Variants in DRD3 observed in about 807,000 individuals in gnomAD.
DRD3 encodes the protein D(3) dopamine receptor.
Under a neutral mutation model 36.3 loss-of-function variants are expected in DRD3, and 19 were observed. That is an observed-to-expected ratio of 0.52 (90% CI 0.36 to 0.77). DRD3 has a LOEUF of 0.77. DRD3 is among the 30% of genes least tolerant of loss of function. The pLI, the probability that DRD3 is intolerant of heterozygous loss-of-function variation, is 0.00. For missense variants in DRD3, 465 were observed against 505.3 expected, an observed-to-expected ratio of 0.92 and a Z score of 0.77; for synonymous variants, 195 against 203.7, an observed-to-expected ratio of 0.96 and a Z score of 0.36.
chr3:114,137,222 A>G (rs2077482466), intron 5 of DRD3, among the ~76,000 whole-genome samples: 1 of 152,204 alleles, frequency 6.6e-6, no homozygotes, highest in South Asian at 2.1e-4. Context: ...CTCTATGATC[A>G]GACATGGCCC....
intron 4 of DRD3, among the ~76,000 whole-genome samples, chr3:114,144,470 G>A (rs1185789730): frequency 6.6e-6 from 1 of 152,094 alleles, no homozygotes; most frequent in African/African-American, 2.4e-5. Context: ...ATAGATGAGA[G>A]AATTGCTGCA....
upstream of DRD3, among the ~76,000 whole-genome samples, chr3:114,181,806 C>T (rs1339876321): frequency 1.3e-5 from 2 of 152,164 alleles, no homozygotes; most frequent in African/African-American, 4.8e-5. Context: ...TGGGACTATT[C>T]TCTTCTTGTC....
intron 3 of DRD3, among the ~76,000 whole-genome samples, chr3:114,149,535 C>A (rs2077598179): frequency 6.6e-6 from 1 of 152,162 alleles, no homozygotes; most frequent in African/African-American, 2.4e-5. Context: ...AAGATTTCTG[C>A]CACGTATAAT....
At chr3:114,175,174 C>T (rs980719564) in intron 1 of DRD3, among the ~76,000 whole-genome samples, 1 of 152,106 alleles carries the variant, frequency 6.6e-6, no homozygotes, top group African/African-American at 2.4e-5. Context: ...CTAGACATTG[C>T]CACATATCCT....
intron 1 of DRD3, among the ~76,000 whole-genome samples, chr3:114,173,358 ATGT>A (rs1453958753): frequency 1.3e-5 from 2 of 152,170 alleles, no homozygotes; most frequent in Non-Finnish European, 2.9e-5. Context: ...CTATAGAATG[ATGT>A]TGTAACCTCC....
intron 4 of DRD3, among the ~76,000 whole-genome samples, chr3:114,145,949 T>C (rs1238169504): frequency 6.6e-6 from 1 of 152,210 alleles, no homozygotes; most frequent in Non-Finnish European, 1.5e-5. Context: ...CTCAAGTGTA[T>C]GCTCCACTGT....
chr3:114,130,741 A>T (rs956848649), intron 6 of DRD3, among the ~76,000 whole-genome samples: 1 of 152,208 alleles, frequency 6.6e-6, no homozygotes, highest in Non-Finnish European at 1.5e-5. Context: ...TCTAGATTTT[A>T]TCATACCATA....
At chr3:114,194,952 C>G (rs1026502964) in intron 1 of DRD3, among the ~76,000 whole-genome samples, 1 of 152,070 alleles carries the variant, frequency 6.6e-6, no homozygotes, top group Non-Finnish European at 1.5e-5. Flanking sequence ...ACAACTTTCT[C>G]CAGACTTACG....
At chr3:114,132,871 A>G (rs1186391651) in intron 5 of DRD3, among the ~76,000 whole-genome samples, 1 of 152,278 alleles carries the variant, frequency 6.6e-6, no homozygotes, top group Non-Finnish European at 1.5e-5. Context: ...CCAACTGTAA[A>G]ATAATTTACA....
Position 114,128,800 on chromosome 3 carries a change from G to A in DRD3, c.1119C>T (p.Tyr373=), listed in dbSNP as rs199851074. 45 of 1,613,844 alleles carry A rather than the reference G, an allele frequency of 2.8e-5. No individual in the cohort carries two copies. Among genetic ancestry groups the A allele is most frequent in the Non-Finnish European group, 3.1e-5 (37 of 1,179,966 alleles). Residue 373 remains tyrosine (Y), a synonymous_variant, in exon 7 of 7, where the codon TAC becomes TAT. Coordinates refer to ENST00000383673, the MANE Select transcript of DRD3 (RefSeq NM_000796.6). ...ELYSATTWLG[Y]VNSALNPVIY... ...TCACAGGGTTGAGGGCGCTATTCAC[G>A]TAGCCCAGCCATGTCGTGGCACTGT... is the stretch of plus-strand genomic sequence containing the variant.
At chr3:114,166,265 C>T (rs770000102) in intron 2 of DRD3, among the ~76,000 whole-genome samples, 3 of 152,070 alleles carry the variant, frequency 2.0e-5, no homozygotes, top group African/African-American at 4.8e-5. Flanking sequence ...GGATTACAGG[C>T]GTGAGCCACC....
rs768748323 is a variant in DRD3, at chr3:114,139,505, G to C, written c.718C>G (p.Gln240Glu). ...QCNSVRPGFPQQTLSPDPAHL... is the reference protein window; with the variant it reads ...QCNSVRPGFPEQTLSPDPAHL... The stretch of plus-strand genomic sequence containing the variant: ...ACCCCCTCCAGGGTACTTACTTGCT[G>C]GGGGAAGCCAGGCCTGACACTGTTG... Residue 240 changes from glutamine (Q) to glutamate (E), a missense_variant, in exon 5 of 7, where the codon CAG (glutamine) becomes GAG (glutamate). By Grantham distance (29) the Gln-to-Glu change is conservative (BLOSUM62 2). Coordinates refer to ENST00000383673, the MANE Select transcript of DRD3 (RefSeq NM_000796.6). The C allele has an allele frequency of 6.2e-7, 1 of 1,613,012 alleles. No homozygotes were observed. The highest frequency in any genetic ancestry group is 8.5e-7 in the Non-Finnish European group (1 of 1,179,580).
intron 5 of DRD3, among the ~76,000 whole-genome samples, chr3:114,136,207 CTG>C (rs951771306): frequency 9.9e-5 from 15 of 150,990 alleles, no homozygotes; most frequent in Admixed American, 7.2e-4. Context: ...GAGTGAGACT[CTG>C]TCTCAAAAAC....
intron 1 of DRD3, among the ~76,000 whole-genome samples, chr3:114,173,140 G>A (rs2077863368): frequency 6.6e-6 from 1 of 152,096 alleles, no homozygotes; most frequent in African/African-American, 2.4e-5. Flanking sequence ...TTCACCATGG[G>A]AAGACATAGT....
intron 5 of DRD3, among the ~76,000 whole-genome samples, chr3:114,134,769 G>T (rs2077460910): frequency 1.3e-5 from 2 of 152,054 alleles, no homozygotes; most frequent in African/African-American, 4.8e-5. Context: ...AGGAATTCTA[G>T]AATAATATAC....
At chr3:114,160,329 C>A (rs2077720973) in intron 2 of DRD3, among the ~76,000 whole-genome samples, 1 of 152,092 alleles carries the variant, frequency 6.6e-6, no homozygotes, top group Admixed American at 6.5e-5. Flanking sequence ...TCACCACAAC[C>A]TCCACCTCCC....
At chr3:114,141,054 G>T (rs150353872) in intron 4 of DRD3, among the ~76,000 whole-genome samples, 7 of 152,084 alleles carry the variant, frequency 4.6e-5, no homozygotes, top group Non-Finnish European at 1.0e-4. Flanking sequence ...TTTTTGAGAC[G>T]GAATTTTGCC....
intron 1 of DRD3, among the ~76,000 whole-genome samples, chr3:114,194,692 T>C (rs1168870429): frequency 6.6e-6 from 1 of 152,232 alleles, no homozygotes; most frequent in Non-Finnish European, 1.5e-5. Flanking sequence ...TAGTTTTTCA[T>C]GTGATGAACT....
intron 1 of DRD3, among the ~76,000 whole-genome samples, chr3:114,194,962 G>A (rs1339311222): frequency 2.6e-5 from 4 of 152,008 alleles, no homozygotes; most frequent in Admixed American, 1.3e-4. Context: ...CCAGACTTAC[G>A]GGAAGCTTGT....
Sources: allele counts gnomAD v4.1 joint callset (sites outside exome capture counted in the v4.1 genomes callset), GRCh38; gene constraint gnomAD v4.1.1; transcripts MANE v1.5; gene names NCBI Gene and HGNC (gene_info 2026-07-23, HGNC 2026-07-21).